CTNNA3: variants seen among roughly 807,000 people sequenced by gnomAD.
CTNNA3 encodes catenin alpha 3.
In CTNNA3, 76 loss-of-function variants were observed where a neutral mutation model predicts 95.7. The observed-to-expected ratio is 0.79, with a 90% CI of 0.66 to 0.96. CTNNA3 has a LOEUF of 0.96. Ranked by LOEUF, CTNNA3 falls within the 40% of genes least tolerant of loss-of-function variation. The pLI, the probability that CTNNA3 is intolerant of heterozygous loss-of-function variation, is 0.00. For missense variants in CTNNA3, 1,191 were observed against 1,089.8 expected (o/e 1.09, Z -1.31); for synonymous variants, 431 against 374.4 (o/e 1.15, Z -1.74).
intron 5 of CTNNA3, among the ~76,000 whole-genome samples, chr10:67,305,555 A>C (rs1840519637): frequency 6.6e-6 from 1 of 152,074 alleles, no homozygotes; most frequent in Non-Finnish European, 1.5e-5. Flanking sequence ...GGAGTTGAAG[A>C]GTAATATTTT....
At chr10:66,521,166 G>A (rs976070599) in intron 10 of CTNNA3, among the ~76,000 whole-genome samples, 11 of 151,008 alleles carry the variant, frequency 7.3e-5, no homozygotes, top group East Asian at 1.9e-4. Flanking sequence ...AGTACAAAAC[G>A]TTTTATATTT....
At chr10:66,322,669 G>T (rs1460470605) in intron 12 of CTNNA3, among the ~76,000 whole-genome samples, 1 of 152,124 alleles carries the variant, frequency 6.6e-6, no homozygotes, top group African/African-American at 2.4e-5. Context: ...GCGGGAGGGA[G>T]TTGGCAGGAG....
intron 7 of CTNNA3, among the ~76,000 whole-genome samples, chr10:67,102,410 A>G (rs952198972): frequency 6.6e-6 from 1 of 151,810 alleles, no homozygotes; most frequent in African/African-American, 2.4e-5. Flanking sequence ...GACTTGCATT[A>G]TAGTTTTATT....
chr10:67,074,288 C>A (rs184347258), intron 7 of CTNNA3, among the ~76,000 whole-genome samples: 5 of 151,144 alleles, frequency 3.3e-5, no homozygotes, highest in East Asian at 1.9e-4. Flanking sequence ...CCTTGGCCCC[C>A]CAAAGTGCTG....
intron 15 of CTNNA3, among the ~76,000 whole-genome samples, chr10:66,020,741 C>T (rs1488140653): frequency 1.3e-5 from 2 of 148,730 alleles, no homozygotes; most frequent in Non-Finnish European, 3.0e-5. Context: ...GATCTCTGCT[C>T]ACTCACTGCA....
intron 5 of CTNNA3, among the ~76,000 whole-genome samples, chr10:67,415,550 T>A (rs1188209189): frequency 6.6e-6 from 1 of 152,214 alleles, no homozygotes; most frequent in Non-Finnish European, 1.5e-5. Flanking sequence ...AAAGAATCAA[T>A]ATTGTTAAAA....
intron 10 of CTNNA3, among the ~76,000 whole-genome samples, chr10:66,575,095 T>TAA (rs1200848253): frequency 1.3e-5 from 2 of 152,134 alleles, no homozygotes; most frequent in Non-Finnish European, 2.9e-5. Context: ...AATAGCAACT[T>TAA]CATTAACCAG....
At chr10:66,270,908 G>A (rs1190348462) in intron 13 of CTNNA3, among the ~76,000 whole-genome samples, 1 of 152,144 alleles carries the variant, frequency 6.6e-6, no homozygotes, top group Non-Finnish European at 1.5e-5. Context: ...GTAGTAGTAG[G>A]ATAAGTGCTC....
chr10:67,570,893 C>T (rs1464075457), intron 3 of CTNNA3, among the ~76,000 whole-genome samples: 1 of 152,058 alleles, frequency 6.6e-6, no homozygotes, highest in Admixed American at 6.6e-5. Flanking sequence ...AAAGCTGGTT[C>T]ATTATGTGGG....
intron 5 of CTNNA3, among the ~76,000 whole-genome samples, chr10:67,237,543 A>T (rs533806425): frequency 1.2e-4 from 18 of 152,132 alleles, no homozygotes; most frequent in South Asian, 1.0e-3. Context: ...AAATTTTTTT[A>T]AAAAATTAAA....
At chr10:67,101,256 A>G (rs1208333683) in intron 7 of CTNNA3, among the ~76,000 whole-genome samples, 1 of 151,778 alleles carries the variant, frequency 6.6e-6, no homozygotes, top group Admixed American at 6.6e-5. Flanking sequence ...TTCTAAATTG[A>G]GACTGCATAA....
At chr10:66,792,395 C>A (rs888839949) in intron 7 of CTNNA3, among the ~76,000 whole-genome samples, 2 of 152,058 alleles carry the variant, frequency 1.3e-5, no homozygotes, top group Non-Finnish European at 2.9e-5. Context: ...GCATAAGAAT[C>A]TCCTAGAAGA....
intron 10 of CTNNA3, among the ~76,000 whole-genome samples, chr10:66,616,028 T>G (rs772333628): frequency 6.6e-6 from 1 of 152,042 alleles, no homozygotes; most frequent in Non-Finnish European, 1.5e-5. Flanking sequence ...GAGCAAGGAT[T>G]AAGCCCTATA....
intron 7 of CTNNA3, among the ~76,000 whole-genome samples, chr10:66,883,437 GA>G (rs1360364251): frequency 6.6e-6 from 1 of 152,126 alleles, no homozygotes; most frequent in Admixed American, 6.6e-5. Context: ...AAGGTCACCA[GA>G]AGTCCCAGAT....
At chr10:66,785,198 A>G (rs559369700) in intron 7 of CTNNA3, among the ~76,000 whole-genome samples, 2 of 152,330 alleles carry the variant, frequency 1.3e-5, no homozygotes, top group South Asian at 2.1e-4. Flanking sequence ...GCAGAAGAAG[A>G]TATCACTCAC....
At chr10:66,532,003 T>C (rs1479797113) in intron 10 of CTNNA3, among the ~76,000 whole-genome samples, 2 of 152,196 alleles carry the variant, frequency 1.3e-5, no homozygotes, top group Non-Finnish European at 2.9e-5. Context: ...ATGAATTTAA[T>C]ATTTTTGCCA....
chr10:67,692,803 C>A (rs189622250), intron 1 of CTNNA3, among the ~76,000 whole-genome samples: 2 of 149,910 alleles, frequency 1.3e-5, no homozygotes, highest in Admixed American at 1.3e-4. Flanking sequence ...TACTTTCAGG[C>A]ACAAGCCTCT....
chr10:66,510,005 CAAT>C (rs1317980009), intron 11 of CTNNA3, among the ~76,000 whole-genome samples: 4 of 151,850 alleles, frequency 2.6e-5, no homozygotes, highest in African/African-American at 7.2e-5. Flanking sequence ...GTCATTTTAA[CAAT>C]ATTAATTCTT....
chr10:66,393,670 T>G (rs1476190553), intron 11 of CTNNA3, among the ~76,000 whole-genome samples: 1 of 152,100 alleles, frequency 6.6e-6, no homozygotes, highest in South Asian at 2.1e-4. Context: ...ACTGGTTTCT[T>G]GGAGTTTTTA....
Sources: allele counts gnomAD v4.1 joint callset (sites outside exome capture counted in the v4.1 genomes callset), GRCh38; gene constraint gnomAD v4.1.1; transcripts MANE v1.5; gene names NCBI Gene and HGNC (gene_info 2026-07-23, HGNC 2026-07-21).